The following BTG4 variants were observed in gnomAD, a reference collection of about 807,000 sequenced individuals.
BTG4 encodes BTG anti-proliferation factor 4.
A neutral mutation model predicts 19.3 loss-of-function variants in BTG4; 10 were observed. The observed-to-expected ratio is 0.52, with a 90% CI of 0.32 to 0.88. The LOEUF is 0.88. BTG4 is among the 40% of genes least tolerant of loss of function. The pLI, the probability that BTG4 is intolerant of heterozygous loss-of-function variation, is 0.04. For missense variants in BTG4, 238 were observed against 281.9 expected (o/e 0.84, Z 1.11); for synonymous variants, 91 against 95.7 (o/e 0.95, Z 0.29).
rs189860623 is a variant in BTG4 at position 111,497,172 on chromosome 11, T to C, written c.510+39A>G. ...TGAGTGCATTCTTTTTAGAATTAGATAGAAAAAAAGTATAGAAAAGAACTG... is the reference window on the plus strand; with the variant it reads ...TGAGTGCATTCTTTTTAGAATTAGACAGAAAAAAAGTATAGAAAAGAACTG... On this transcript the variant is annotated intron_variant, in intron 4 of 4. Transcript: ENST00000692032. 9 of 1,549,066 alleles carry C rather than the reference T, an allele frequency of 5.8e-6. No individual in the cohort carries two copies. In the Admixed American group the frequency reaches 1.2e-4, roughly 21 times the overall value.
the BTG4 span, chr11:111,453,509 G>T: frequency 2.2e-6 from 1 of 456,478 alleles, no homozygotes; most frequent in African/African-American, 2.0e-5. Context: ...ACTTCCCCAA[G>T]AACTGGGATA....
chr11:111,497,916 TC>T, intron 3 of BTG4, 81 bp downstream of exon 3: 1 of 1,463,440 alleles, frequency 6.8e-7, no homozygotes, highest in Non-Finnish European at 9.3e-7. Flanking sequence ...CTTTGGGGCA[TC>T]ATCTTTCATG....
intron 5 of BTG4, among the ~76,000 whole-genome samples, chr11:111,487,637 G>C (rs1363345419): frequency 6.6e-6 from 1 of 151,922 alleles, no homozygotes; most frequent in Non-Finnish European, 1.5e-5. Context: ...AGAAATAAAG[G>C]GTATCCAAAT....
At chr11:111,461,571 G>T in the BTG4 span, among the ~76,000 whole-genome samples, 2 of 152,144 alleles carry the variant, frequency 1.3e-5, no homozygotes, top group African/African-American at 4.8e-5. Flanking sequence ...AATATTAGCC[G>T]GGTGTGGTGG....
chr11:111,484,372 T>G (rs1471496127), intron 5 of BTG4, among the ~76,000 whole-genome samples: 2 of 152,126 alleles, frequency 1.3e-5, no homozygotes, highest in East Asian at 3.8e-4. Context: ...TATAAACCAC[T>G]TGTATCTTTC....
the BTG4 span, chr11:111,452,504 G>A: frequency 6.6e-6 from 1 of 152,252 alleles, no homozygotes; most frequent in African/African-American, 2.4e-5. Context: ...GCATCGCCAG[G>A]ATCCCCCAGG....
downstream of BTG4, chr11:111,494,738 C>A (rs1865615537): frequency 2.9e-6 from 1 of 342,638 alleles, no homozygotes; most frequent in South Asian, 1.2e-4. Flanking sequence ...CCAGCCTTTA[C>A]AAAGATAGGG....
At chr11:111,413,548 C>T in the BTG4 span, among the ~76,000 whole-genome samples, 1 of 152,238 alleles carries the variant, frequency 6.6e-6, no homozygotes, top group African/African-American at 2.4e-5. Flanking sequence ...ACTCATTTTA[C>T]AGATGAGGAA....
At chr11:111,482,774 G>A (rs916002507) in intron 5 of BTG4, among the ~76,000 whole-genome samples, 2 of 150,910 alleles carry the variant, frequency 1.3e-5, no homozygotes, top group Non-Finnish European at 3.0e-5. Flanking sequence ...TCTAAGTCTG[G>A]TATCTCATAC....
the BTG4 span, among the ~76,000 whole-genome samples, chr11:111,418,954 G>A: frequency 6.6e-6 from 1 of 152,212 alleles, no homozygotes; most frequent in African/African-American, 2.4e-5. Flanking sequence ...TGTCAGCGGG[G>A]TTGTTTCTTC....
intron 5 of BTG4, among the ~76,000 whole-genome samples, chr11:111,488,035 C>A (rs1865171457): frequency 6.6e-6 from 1 of 152,078 alleles, no homozygotes; most frequent in African/African-American, 2.4e-5. Flanking sequence ...GTACCCAAAG[C>A]AGTCTACAGA....
the BTG4 span, chr11:111,414,526 T>C: frequency 1.3e-5 from 2 of 152,216 alleles, no homozygotes; most frequent in African/African-American, 2.4e-5. Flanking sequence ...AGACACTAGA[T>C]GGTGTTCTCG....
upstream of BTG4, chr11:111,513,041 C>G (rs749532538): frequency 4.4e-6 from 2 of 459,144 alleles, no homozygotes; most frequent in Non-Finnish European, 4.6e-6. Context: ...GCCGCCCGGC[C>G]GGGAAGAAGA....
At chr11:111,384,392 C>T in the BTG4 span, among the ~76,000 whole-genome samples, 4 of 151,842 alleles carry the variant, frequency 2.6e-5, no homozygotes, top group South Asian at 2.1e-4. Context: ...CACTTGGATA[C>T]GTTATAATGA....
the BTG4 span, among the ~76,000 whole-genome samples, chr11:111,431,181 G>A: frequency 6.6e-6 from 1 of 152,236 alleles, no homozygotes; most frequent in African/African-American, 2.4e-5. Context: ...GTATTGAGAG[G>A]TGAATTGAAG....
chr11:111,486,625 G>A (rs193104766), intron 5 of BTG4, among the ~76,000 whole-genome samples: 2 of 152,154 alleles, frequency 1.3e-5, no homozygotes, highest in African/African-American at 2.4e-5. Context: ...GAATATAGAT[G>A]CAAAAATCCT....
At chr11:111,453,558 C>A in the BTG4 span, 5 of 455,868 alleles carry the variant, frequency 1.1e-5, no homozygotes, top group African/African-American at 1.0e-4. Context: ...AAGACTCTGA[C>A]GCCCCCAGGG....
the BTG4 span, among the ~76,000 whole-genome samples, chr11:111,438,004 A>G: frequency 6.6e-6 from 1 of 152,172 alleles, no homozygotes; most frequent in Non-Finnish European, 1.5e-5. Flanking sequence ...GACTCTGACT[A>G]TACTAGACAA....
Position 111,495,002 on chromosome 11 carries a change from A to T in BTG4, c.*133T>A. 1.0e-6 allele frequency: 1 copy of T among 985,374 alleles called. No individual in the cohort carries two copies. Among genetic ancestry groups the T allele is most frequent in the Non-Finnish European group, 1.2e-6 (1 of 829,890 alleles). The allele number at this position is 985,374 out of a possible 1,614,324, so 61.0% of individuals were successfully genotyped here. ...AGTGATGATCTGTATGAGAGGATTT[A>T]CCATTGTGTACCCTAGTCCCTAATA... On this transcript the variant is annotated 3_prime_UTR_variant, in exon 5 of 5. Transcript: ENST00000692032.
Sources: gnomAD v4.1 joint callset for allele counts (sites outside exome capture counted in the v4.1 genomes callset) on GRCh38, gnomAD v4.1.1 for gene constraint, MANE v1.5 for transcripts, NCBI Gene and HGNC (gene_info 2026-07-23, HGNC 2026-07-21) for gene names.